NCAM1: variants seen among roughly 807,000 people sequenced by gnomAD.
The protein encoded by NCAM1 is neural cell adhesion molecule 1, also known as antigen recognized by monoclonal antibody 5.1H11.
In NCAM1, 14 loss-of-function variants were observed where a neutral mutation model predicts 109.8. The observed-to-expected ratio is 0.13, with a 90% CI of 0.08 to 0.20. NCAM1 has a LOEUF of 0.20. Among genes scored for constraint, NCAM1 ranks in the 10% least tolerant of loss-of-function variants. NCAM1 has a pLI of 1.00. For synonymous variants in NCAM1, 418 were observed against 442.9 expected, an observed-to-expected ratio of 0.94 and a Z score of 0.70; for missense variants, 774 against 1,109.9, an observed-to-expected ratio of 0.70 and a Z score of 4.30.
intron 9 of NCAM1, 82 bp from the exon 10 acceptor site, chr11:113,231,563 C>T (rs1945006497): frequency 1.4e-6 from 2 of 1,393,008 alleles, no homozygotes; most frequent in Admixed American, 3.9e-5. Flanking sequence ...CCTAGTCTCC[C>T]AGCCCCCATC....
chr11:113,006,225 C>A (rs1309151632), intron 1 of NCAM1, among the ~76,000 whole-genome samples: 2 of 152,180 alleles, frequency 1.3e-5, no homozygotes, highest in African/African-American at 4.8e-5. Flanking sequence ...TTATTGGCAT[C>A]TGCACATAAT....
intron 1 of NCAM1, among the ~76,000 whole-genome samples, chr11:112,980,448 CA>C (rs1257706949): frequency 3.3e-5 from 5 of 151,312 alleles, no homozygotes; most frequent in African/African-American, 1.2e-4. Flanking sequence ...ATGAATGGAC[CA>C]AAAAATGTGG....
chr11:113,265,239 C>CAA (rs1367807015), intron 17 of NCAM1: 2 of 853,566 alleles, frequency 2.3e-6, no homozygotes, highest in East Asian at 1.2e-4. Flanking sequence ...TTGTGTCTGA[C>CAA]AAAGCAGCAA....
intron 1 of NCAM1, among the ~76,000 whole-genome samples, chr11:113,016,908 A>G (rs572461388): frequency 1.3e-5 from 2 of 152,314 alleles, no homozygotes; most frequent in Admixed American, 1.3e-4. Context: ...GCACCCATAA[A>G]AGTCTCTGCT....
intron 8 of NCAM1, among the ~76,000 whole-genome samples, chr11:113,220,171 T>C (rs1555115017): frequency 6.6e-6 from 1 of 152,156 alleles, no homozygotes; most frequent in Non-Finnish European, 1.5e-5. Flanking sequence ...GTAAGGAGAA[T>C]AGATTCCCAA....
At chr11:113,219,698 C>G (rs782334936) in intron 8 of NCAM1, among the ~76,000 whole-genome samples, 1 of 152,128 alleles carries the variant, frequency 6.6e-6, no homozygotes, top group Non-Finnish European at 1.5e-5. Flanking sequence ...GCCACAGAAC[C>G]ATAGTGATTT....
intron 1 of NCAM1, among the ~76,000 whole-genome samples, chr11:113,107,215 G>T (rs569174675): frequency 1.3e-5 from 2 of 152,136 alleles, no homozygotes; most frequent in African/African-American, 4.8e-5. Flanking sequence ...TGGGGTTCTT[G>T]TTCCTGCTCT....
At chr11:113,186,254 G>T (rs58021667) in intron 1 of NCAM1, among the ~76,000 whole-genome samples, 2 of 152,114 alleles carry the variant, frequency 1.3e-5, no homozygotes, top group Non-Finnish European at 2.9e-5. Context: ...TCTGCCTCCT[G>T]TCAGTTCAGC....
intron 1 of NCAM1, among the ~76,000 whole-genome samples, chr11:113,042,284 C>T (rs952074287): frequency 6.6e-6 from 1 of 152,178 alleles, no homozygotes; most frequent in Non-Finnish European, 1.5e-5. Context: ...ACTCCTGACT[C>T]CCTGCCCCTG....
chr11:113,000,562 G>A (rs546482331), intron 1 of NCAM1, among the ~76,000 whole-genome samples: 1 of 152,040 alleles, frequency 6.6e-6, no homozygotes, highest in African/African-American at 2.4e-5. Context: ...ATTAAATATG[G>A]TGAATTCAGG....
At chr11:113,234,140 C>G (rs1246215292) in intron 13 of NCAM1, among the ~76,000 whole-genome samples, 1 of 151,956 alleles carries the variant, frequency 6.6e-6, no homozygotes, top group East Asian at 1.9e-4. Flanking sequence ...AGAGGAGCTG[C>G]TGGGTAATCA....
At chr11:113,220,602 C>CTTTTTTTTTTTTTTTTTTTTTTTTT (rs1175342641) in intron 8 of NCAM1, among the ~76,000 whole-genome samples, 1 of 75,584 alleles carries the variant, frequency 1.3e-5, no homozygotes, top group African/African-American at 6.1e-5. Context: ...CTCTCTCTCT[C>CTTTTTTTTTTTTTTTTTTTTTTTTT]TTTTTTTTTT....
At chr11:113,029,619 A>G (rs1302398723) in intron 1 of NCAM1, among the ~76,000 whole-genome samples, 1 of 152,190 alleles carries the variant, frequency 6.6e-6, no homozygotes, top group Non-Finnish European at 1.5e-5. Context: ...ACTCTGGAAA[A>G]CTCAAGAAAT....
intron 19 of NCAM1, among the ~76,000 whole-genome samples, chr11:113,272,080 T>C (rs933366800): frequency 6.6e-6 from 1 of 152,014 alleles, no homozygotes; most frequent in Non-Finnish European, 1.5e-5. Flanking sequence ...TGGCTGTGGG[T>C]ACCCTTAGAA....
At position 113,275,381 on chromosome 11, in the gene NCAM1, A is replaced by G; in HGVS notation, c.2571A>G (p.Lys857=). Reference sequence around the variant, plus strand: ...CACAGACAAAGGAGAACGAGAGCAAAGCATGATGGGTGAAGAGAACCGAGC... The same window carrying G: ...CACAGACAAAGGAGAACGAGAGCAAGGCATGATGGGTGAAGAGAACCGAGC... ...DATQTKENES[K]A is the part of the protein sequence containing the mutation. The change falls in exon 20 of 20, where the codon AAA becomes AAG. Residue 857 remains lysine, a synonymous_variant. Coordinates refer to ENST00000316851, the MANE Select transcript of NCAM1 (RefSeq NM_181351.5). The G allele has an allele frequency of 6.2e-7, 1 of 1,612,662 alleles. No individual in the cohort carries two copies. The highest frequency in any genetic ancestry group is 1.7e-5 in the Admixed American group (1 of 59,848).
chr11:113,160,933 G>A (rs1942580830), intron 1 of NCAM1, among the ~76,000 whole-genome samples: 1 of 152,102 alleles, frequency 6.6e-6, no homozygotes, highest in Non-Finnish European at 1.5e-5. Context: ...GCTTTTTCGA[G>A]AGTTTAAATT....
At chr11:113,027,662 T>A (rs1291467536) in intron 1 of NCAM1, among the ~76,000 whole-genome samples, 1 of 152,216 alleles carries the variant, frequency 6.6e-6, no homozygotes, top group East Asian at 1.9e-4. Context: ...CACCTGAATG[T>A]GTAAGAACTG....
Position 113,204,391 on chromosome 11 carries a change from C to T in NCAM1, c.233C>T (p.Ser78Phe). The T allele has an allele frequency of 3.1e-6, 5 of 1,614,012 alleles. No individual in the cohort carries two copies. Among genetic ancestry groups the T allele is most frequent in the Non-Finnish European group, 4.2e-6 (5 of 1,179,880 alleles). ...TCAGTGGTGTGGAATGATGATTCCT[C>T]CTCCACCCTCACCATCTATAACGCC... The part of the protein sequence containing the change: ...RISVVWNDDS[S>F]STLTIYNANI... Residue 78 changes from serine to phenylalanine, a missense_variant, in exon 3 of 20, where the codon TCC becomes TTC. Ser to Phe is a radical substitution (Grantham distance 155). This residue lies in a region of NCAM1 where 112 missense variants were observed against 142.0 expected (regional missense o/e 0.79). Transcript: ENST00000316851.
chr11:113,055,382 G>A (rs1953657340), intron 1 of NCAM1, among the ~76,000 whole-genome samples: 1 of 152,124 alleles, frequency 6.6e-6, no homozygotes, highest in Admixed American at 6.6e-5. Flanking sequence ...AGTAGAAAAT[G>A]GTCAACGTTT....
Sources: gnomAD v4.1 joint callset for allele counts (sites outside exome capture counted in the v4.1 genomes callset) on GRCh38, gnomAD v4.1.1 for gene constraint, gnomAD v4.1.1 regional missense constraint, MANE v1.5 for transcripts, NCBI Gene and HGNC (gene_info 2026-07-23, HGNC 2026-07-21) for gene names.